Variants in CACNA2D2 observed in about 807,000 individuals in gnomAD.
The protein encoded by CACNA2D2 is voltage-dependent calcium channel subunit alpha-2/delta-2.
A neutral mutation model predicts 166.4 loss-of-function variants in CACNA2D2; 48 were observed. The observed-to-expected ratio is 0.29, with a 90% CI of 0.23 to 0.37. The LOEUF (loss-of-function observed/expected upper bound fraction) is 0.37, where lower values mean the gene tolerates loss of function less well. CACNA2D2 is among the 10% of genes least tolerant of loss of function. CACNA2D2 has a pLI of 1.00. For synonymous variants in CACNA2D2, 561 were observed against 573.7 expected, an observed-to-expected ratio of 0.98 and a Z score of 0.32; for missense variants, 1,122 against 1,433.0, an observed-to-expected ratio of 0.78 and a Z score of 3.50.
chr3:50,420,782 G>A (rs1396731312), intron 3 of CACNA2D2, among the ~76,000 whole-genome samples: 25 of 152,218 alleles, frequency 1.6e-4, no homozygotes, highest in Non-Finnish European at 2.9e-5. Flanking sequence ...GTGGCTATAT[G>A]TGCTGAGTAG....
chr3:50,418,011 G>T (rs1707347226), intron 3 of CACNA2D2, among the ~76,000 whole-genome samples: 1 of 152,162 alleles, frequency 6.6e-6, no homozygotes, highest in South Asian at 2.1e-4. Flanking sequence ...CCTGTATCAG[G>T]TTTGGAAATT....
intron 3 of CACNA2D2, among the ~76,000 whole-genome samples, chr3:50,432,384 T>C (rs1051688796): frequency 2.6e-5 from 4 of 152,224 alleles, no homozygotes; most frequent in Admixed American, 6.5e-5. Context: ...GGGCTGTCCC[T>C]TCCCGCATTT....
chr3:50,503,037 A>T (rs914383586), intron 1 of CACNA2D2, among the ~76,000 whole-genome samples, 181 bp downstream of exon 1: 1 of 152,162 alleles, frequency 6.6e-6, no homozygotes, highest in Non-Finnish European at 1.5e-5. Flanking sequence ...CGACGCAGCC[A>T]GAGCGCCGGG....
At chr3:50,469,440 C>T (rs1709971973) in intron 2 of CACNA2D2, among the ~76,000 whole-genome samples, 1 of 152,090 alleles carries the variant, frequency 6.6e-6, no homozygotes, top group African/African-American at 2.4e-5. Context: ...TTCTAAACCC[C>T]TGGACTGAAT....
rs925067471 is a variant in CACNA2D2 at position 50,364,379 on chromosome 3, G to A, written c.*287C>T. 5.7e-5 allele frequency: 24 copies of A among 417,898 alleles called. No individual in the cohort carries two copies. The highest frequency in any genetic ancestry group is 4.1e-5 in the Admixed American group (1 of 24,334). 25.9% of individuals were successfully genotyped at this position (417,898 alleles called of 1,614,324 possible). The stretch of plus-strand genomic sequence containing the variant: ...AGAGGCCTGGTTTTGGCACCAGTGC[G>A]TGTGGCCTCCCTGTCCCATCCCACT... On this transcript the variant is annotated 3_prime_UTR_variant, in exon 38 of 38. Coordinates refer to ENST00000424201, the MANE Select transcript of CACNA2D2 (RefSeq NM_006030.4).
At chr3:50,485,132 G>A (rs986214123) in intron 1 of CACNA2D2, among the ~76,000 whole-genome samples, 1 of 152,214 alleles carries the variant, frequency 6.6e-6, no homozygotes. Flanking sequence ...AGAAAGTGCT[G>A]AGGAAGAGTG....
In CACNA2D2 at chr3:50,461,625, G is replaced by A. The variant is rs889959351; in HGVS notation, c.288+14493C>T. 2.6e-5 allele frequency among the ~76,000 whole-genome samples: 4 copies of A among 152,000 alleles called. No homozygotes were observed. In the East Asian group the frequency reaches 5.8e-4, roughly 22 times the overall value. On this transcript the variant is annotated intron_variant, in intron 2 of 37. Transcript: ENST00000424201. The stretch of plus-strand genomic sequence containing the variant: ...AAAATACAAAAATGAGCTGGGCGTG[G>A]CGGCGCAGATCTGTAATTCCAGCTA...
At chr3:50,433,804 G>C (rs1299981091) in intron 3 of CACNA2D2, among the ~76,000 whole-genome samples, 1 of 152,184 alleles carries the variant, frequency 6.6e-6, no homozygotes, top group African/African-American at 2.4e-5. Flanking sequence ...AGGCCCAGAT[G>C]GGGGAGCAGA....
At chr3:50,368,626 A>C (rs901324978) in intron 23 of CACNA2D2, among the ~76,000 whole-genome samples, 1 of 152,122 alleles carries the variant, frequency 6.6e-6, no homozygotes, top group Non-Finnish European at 1.5e-5. Context: ...AAGTACAAGC[A>C]CTGGCTTTTT....
chr3:50,462,121 C>T (rs1259100039), intron 2 of CACNA2D2, among the ~76,000 whole-genome samples: 2 of 152,036 alleles, frequency 1.3e-5, no homozygotes, highest in Non-Finnish European at 2.9e-5. Context: ...CAGTGGCTCA[C>T]ATCTGTAATT....
rs1705199022 is a variant in CACNA2D2 at position 50,379,687 on chromosome 3, G to A, written c.993+38C>T. 2 of 1,612,378 alleles carry A rather than the reference G, an allele frequency of 1.2e-6. No individual in the cohort carries two copies. Among genetic ancestry groups the A allele is most frequent in the Admixed American group, 1.7e-5 (1 of 59,996 alleles). On this transcript the variant is annotated intron_variant, in intron 10 of 37. Coordinates refer to ENST00000424201, the MANE Select transcript of CACNA2D2 (RefSeq NM_006030.4). The surrounding 1 kb of genome is among the most constrained non-coding windows in gnomAD (Gnocchi z 6.5). ...TGGTCACAGGAGCAGGGCAGATGGG[G>A]TGACCCATTTCACCCCGTCTGCCAC...
intron 1 of CACNA2D2, among the ~76,000 whole-genome samples, chr3:50,479,845 C>G (rs1221603958): frequency 6.6e-6 from 1 of 152,214 alleles, no homozygotes; most frequent in Non-Finnish European, 1.5e-5. Context: ...GCCACACACC[C>G]AACACGGAGG....
At chr3:50,455,522 T>C (rs1041833543) in intron 2 of CACNA2D2, among the ~76,000 whole-genome samples, 4 of 152,236 alleles carry the variant, frequency 2.6e-5, no homozygotes, top group Non-Finnish European at 5.9e-5. Context: ...GATGCACGGT[T>C]ATGCAAGACA....
chr3:50,398,060 T>A (rs1400099409), intron 3 of CACNA2D2, among the ~76,000 whole-genome samples: 1 of 151,866 alleles, frequency 6.6e-6, no homozygotes, highest in African/African-American at 2.4e-5. Flanking sequence ...GTCCTCTTGA[T>A]GGTTTGGGGA....
chr3:50,363,695 G>A lies in CACNA2D2; in HGVS notation c.*971C>T, dbSNP rs77773770. 5.7e-3 allele frequency: 922 copies of A among 162,086 alleles called. 10 individuals carry two copies. Among genetic ancestry groups the A allele is most frequent in the African/African-American group, 0.021 (873 of 41,974 alleles). 10.0% of individuals were successfully genotyped at this position (162,086 alleles called of 1,614,324 possible). Reference sequence around the variant, plus strand: ...TCCTCTGCCGAAAGGTGCAGGCAGTGGCATGTGGTCCCACTGGGGGCCTGA... The same window carrying A: ...TCCTCTGCCGAAAGGTGCAGGCAGTAGCATGTGGTCCCACTGGGGGCCTGA... On this transcript the variant is annotated 3_prime_UTR_variant, in exon 38 of 38. Transcript: ENST00000424201.
rs587732929 is a variant in CACNA2D2 at position 50,375,937 on chromosome 3, C to G, written c.1773+26G>C. 4 of 1,612,948 alleles carry G rather than the reference C, an allele frequency of 2.5e-6. No homozygotes were observed. In the African/African-American group the frequency reaches 4.0e-5, roughly 16 times the overall value. On this transcript the variant is annotated intron_variant, in intron 19 of 37. Coordinates refer to ENST00000424201, the MANE Select transcript of CACNA2D2 (RefSeq NM_006030.4). The surrounding 1 kb of genome is among the most constrained non-coding windows in gnomAD (Gnocchi z 4.0). ...CCCTACACTCCTCTGCTCTGTCCCC[C>G]ACCCCTGTTCTCCTCCTCTCCTTAC...
chr3:50,410,229 C>A (rs2106795631), intron 3 of CACNA2D2, among the ~76,000 whole-genome samples: 1 of 152,296 alleles, frequency 6.6e-6, no homozygotes, highest in South Asian at 2.1e-4. Context: ...AAGGGCAGGG[C>A]AGAAACTCTG....
intron 1 of CACNA2D2, among the ~76,000 whole-genome samples, chr3:50,491,199 C>G (rs907046393): frequency 1.3e-5 from 2 of 152,224 alleles, no homozygotes; most frequent in African/African-American, 4.8e-5. Flanking sequence ...CAGGAAAGGA[C>G]AGAACAGAGA....
chr3:50,372,441 G>T (rs1704702899), intron 22 of CACNA2D2, among the ~76,000 whole-genome samples: 1 of 152,240 alleles, frequency 6.6e-6, no homozygotes, highest in Non-Finnish European at 1.5e-5. Context: ...CTGTGTCAGT[G>T]CCCAGGAGGC....
Sources: allele counts gnomAD v4.1 joint callset (sites outside exome capture counted in the v4.1 genomes callset), GRCh38; gene constraint gnomAD v4.1.1; non-coding constraint Gnocchi (gnomAD v3.1); transcripts MANE v1.5; gene names NCBI Gene and HGNC (gene_info 2026-07-23, HGNC 2026-07-21).